The following FOXP2 variants were observed in gnomAD, a reference collection of about 807,000 sequenced individuals.
FOXP2 encodes forkhead box protein P2.
Under a neutral mutation model 115.8 loss-of-function variants are expected in FOXP2, and 12 were observed. That is an observed-to-expected ratio of 0.10 (90% CI 0.07 to 0.17). The LOEUF (loss-of-function observed/expected upper bound fraction) is 0.17, where lower values mean the gene tolerates loss of function less well. FOXP2 is among the 10% of genes least tolerant of loss of function. The pLI is 1.00. For missense variants in FOXP2, 629 were observed against 843.5 expected, an observed-to-expected ratio of 0.75 and a Z score of 3.15; for synonymous variants, 328 against 297.7, an observed-to-expected ratio of 1.10 and a Z score of -1.05.
At chr7:114,419,991 C>G (rs1418716327) in intron 1 of FOXP2, 1 of 151,732 alleles carries the variant, frequency 6.6e-6, no homozygotes, top group Non-Finnish European at 1.5e-5. Flanking sequence ...CATTTGGCAC[C>G]CAAAAGATAG....
At chr7:114,368,892 T>G (rs1314474430) in intron 2 of FOXP2, among the ~76,000 whole-genome samples, 1 of 152,240 alleles carries the variant, frequency 6.6e-6, no homozygotes, top group Non-Finnish European at 1.5e-5. Context: ...AAAAACATAG[T>G]AGCTTAAAAC....
At chr7:114,684,507 A>G (rs1808255728) in intron 16 of FOXP2, among the ~76,000 whole-genome samples, 1 of 152,214 alleles carries the variant, frequency 6.6e-6, no homozygotes, top group Non-Finnish European at 1.5e-5. Context: ...ATGTGGCTTG[A>G]CAGTAACTCA....
chr7:114,093,801 A>C (rs1799589177), intron 1 of FOXP2, among the ~76,000 whole-genome samples: 1 of 152,100 alleles, frequency 6.6e-6, no homozygotes, highest in Non-Finnish European at 1.5e-5. Flanking sequence ...TGATCTGAGA[A>C]ACAACATAAC....
rs956685124 is a variant in FOXP2 at position 114,321,521 on chromosome 7, G to A, written c.-11+33412G>A. Among the ~76,000 whole-genome samples the A allele has an allele frequency of 4.6e-4, 70 of 152,174 alleles. 2 individuals are homozygous for A. The highest frequency in any genetic ancestry group is 2.5e-3 in the South Asian group (12 of 4,826). The stretch of plus-strand genomic sequence containing the variant: ...CCTCTAGTAACTTTTAAATAAAGTT[G>A]TCTCATTAAAAATAGTTCCCATTCT... On this transcript the variant is annotated intron_variant, in intron 2 of 17. Transcript: ENST00000634411.
intron 1 of FOXP2, among the ~76,000 whole-genome samples, chr7:114,258,756 T>C (rs539231314): frequency 6.6e-6 from 1 of 152,298 alleles, no homozygotes; most frequent in South Asian, 2.1e-4. Flanking sequence ...TTCTCTGTCT[T>C]AAAAACATCA....
intron 1 of FOXP2, among the ~76,000 whole-genome samples, chr7:114,165,039 G>C (rs1032642261): frequency 6.6e-6 from 1 of 152,176 alleles, no homozygotes; most frequent in Non-Finnish European, 1.5e-5. Flanking sequence ...AAGAAGTGAT[G>C]ATAACAAAAT....
intron 2 of FOXP2, among the ~76,000 whole-genome samples, chr7:114,387,115 G>A (rs576140452): frequency 1.3e-5 from 2 of 152,242 alleles, no homozygotes; most frequent in East Asian, 1.9e-4. Context: ...ATACATATAT[G>A]TTAAAGCCTC....
At chr7:114,395,897 C>T (rs1792725852) in intron 2 of FOXP2, among the ~76,000 whole-genome samples, 1 of 151,736 alleles carries the variant, frequency 6.6e-6, no homozygotes, top group Non-Finnish European at 1.5e-5. Context: ...TTTCTAACTA[C>T]ATAGTAGGCA....
At chr7:114,178,829 C>G (rs1238949247) in intron 1 of FOXP2, among the ~76,000 whole-genome samples, 1 of 151,808 alleles carries the variant, frequency 6.6e-6, no homozygotes, top group Non-Finnish European at 1.5e-5. Context: ...TAGTCAACCC[C>G]CAGTTTCTCT....
intron 2 of FOXP2, among the ~76,000 whole-genome samples, chr7:114,316,853 T>G (rs1008607272): frequency 3.3e-5 from 5 of 152,148 alleles, no homozygotes; most frequent in African/African-American, 1.2e-4. Context: ...TTTAAATTCT[T>G]TCTCCTCTAA....
At chr7:114,113,671 T>C (rs1344732584) in intron 1 of FOXP2, among the ~76,000 whole-genome samples, 1 of 151,984 alleles carries the variant, frequency 6.6e-6, no homozygotes, top group Non-Finnish European at 1.5e-5. Context: ...ATCTGGATAT[T>C]TATTATTATT....
At chr7:114,449,678 C>G (rs1281756343) in intron 2 of FOXP2, among the ~76,000 whole-genome samples, 1 of 151,984 alleles carries the variant, frequency 6.6e-6, no homozygotes, top group East Asian at 1.9e-4. Flanking sequence ...CCCTACTTTG[C>G]CAATGATATA....
At chr7:114,255,738 C>T (rs1795594216) in intron 1 of FOXP2, among the ~76,000 whole-genome samples, 1 of 152,120 alleles carries the variant, frequency 6.6e-6, no homozygotes, top group Non-Finnish European at 1.5e-5. Context: ...CCTTGTGCTT[C>T]CTGGGTGAGG....
chr7:114,153,511 T>TTAC (rs1792577812), intron 1 of FOXP2, among the ~76,000 whole-genome samples: 1 of 152,090 alleles, frequency 6.6e-6, no homozygotes, highest in Non-Finnish European at 1.5e-5. Flanking sequence ...TGACATGGAG[T>TTAC]TACTATGAGC....
At chr7:114,429,353 C>T (rs749760149) in intron 2 of FOXP2, among the ~76,000 whole-genome samples, 6 of 151,196 alleles carry the variant, frequency 4.0e-5, no homozygotes, top group African/African-American at 7.3e-5. Context: ...TGTTAGTATG[C>T]TCTGCTATCT....
chr7:114,678,956 C>T (rs937207541), intron 16 of FOXP2, among the ~76,000 whole-genome samples: 1 of 152,110 alleles, frequency 6.6e-6, no homozygotes, highest in African/African-American at 2.4e-5. Context: ...GATTTAGGCT[C>T]TTCTATCTCC....
Position 114,693,454 on chromosome 7 carries a change from T to C in FOXP2, c.*3528T>C, listed in dbSNP as rs776740145. 8.4e-5 allele frequency: 38 copies of C among 453,282 alleles called. No homozygotes were observed. The highest frequency in any genetic ancestry group is 1.5e-4 in the Non-Finnish European group (34 of 226,484). The allele number at this position is 453,282 out of a possible 1,614,324, so 28.1% of individuals were successfully genotyped here. On this transcript the variant is annotated 3_prime_UTR_variant, in exon 17 of 17. Transcript: ENST00000350908. ...TGGACATTTACATTTTTGAGAATTT[T>C]GAGACTTCATCTTACACATGCCAGT...
intron 2 of FOXP2, among the ~76,000 whole-genome samples, chr7:114,490,706 C>T (rs993652343): frequency 2.4e-4 from 36 of 152,044 alleles, no homozygotes; most frequent in African/African-American, 8.7e-4. Flanking sequence ...CTTCTTGTGT[C>T]CATGTGTTCT....
intron 1 of FOXP2, among the ~76,000 whole-genome samples, chr7:114,178,715 G>T (rs186932696): frequency 5.0e-4 from 76 of 151,974 alleles, no homozygotes; most frequent in Middle Eastern, 6.8e-3. Context: ...CTCAAAGAAA[G>T]AAATCTAATT....
Sources: allele counts gnomAD v4.1 joint callset (sites outside exome capture counted in the v4.1 genomes callset), GRCh38; gene constraint gnomAD v4.1.1; transcripts MANE v1.5; gene names NCBI Gene and HGNC (gene_info 2026-07-23, HGNC 2026-07-21).